Variants in JARID2 observed in about 807,000 individuals in gnomAD.
The protein encoded by JARID2 is protein Jumonji.
JARID2 carries 21 observed loss-of-function variants against 125.6 expected under a neutral mutation model. That is an observed-to-expected ratio of 0.17 (90% CI 0.12 to 0.24). The LOEUF is 0.24. Ranked by LOEUF, JARID2 falls within the 10% of genes least tolerant of loss-of-function variation. JARID2 has a pLI of 1.00. For missense variants in JARID2, 1,303 were observed against 1,639.6 expected, an observed-to-expected ratio of 0.79 and a Z score of 3.55; for synonymous variants, 736 against 661.6, an observed-to-expected ratio of 1.11 and a Z score of -1.73.
chr6:15,457,617 T>C lies in JARID2; in HGVS notation c.493+5442T>C, dbSNP rs545466139. Reference sequence around the variant, plus strand: ...GATCCAGGTCTTTTTTTTTTTTTTTTTTCCCTTCTCCAGTCCTCAATTATT... The same window carrying C: ...GATCCAGGTCTTTTTTTTTTTTTTTCTTCCCTTCTCCAGTCCTCAATTATT... On this transcript the variant is annotated intron_variant, in intron 4 of 17. Transcript: ENST00000341776. 1.8e-3 allele frequency among the ~76,000 whole-genome samples: 272 copies of C among 152,050 alleles called. 2 individuals are homozygous for C. In the Middle Eastern group the frequency reaches 0.024, roughly 13 times the overall value.
At chr6:15,426,919 G>A (rs1477453145) in intron 3 of JARID2, among the ~76,000 whole-genome samples, 3 of 152,124 alleles carry the variant, frequency 2.0e-5, no homozygotes, top group Admixed American at 1.3e-4. Flanking sequence ...TACATAACTG[G>A]CCTGAGTAAT....
intron 1 of JARID2, among the ~76,000 whole-genome samples, chr6:15,270,824 C>T (rs1430434748): frequency 2.6e-5 from 4 of 151,944 alleles, no homozygotes; most frequent in Non-Finnish European, 4.4e-5. Context: ...ACCTGTAATC[C>T]CAGGTACTTG....
In JARID2 at chr6:15,445,062, C is replaced by T. The variant is rs943863449; in HGVS notation, c.324-6944C>T. 2.6e-5 allele frequency among the ~76,000 whole-genome samples: 4 copies of T among 152,026 alleles called. No homozygotes were observed. In the East Asian group the frequency reaches 5.8e-4, roughly 22 times the overall value. On this transcript the variant is annotated intron_variant, in intron 3 of 17. Coordinates refer to ENST00000341776, the MANE Select transcript of JARID2 (RefSeq NM_004973.4). ...AATTAACCTGGAAATTGCTGTTGTG[C>T]CGCAGTCAGGGCTACCCTAGAGATT... is the stretch of plus-strand genomic sequence containing the variant.
At chr6:15,424,927 T>C (rs1171052009) in intron 3 of JARID2, among the ~76,000 whole-genome samples, 1 of 152,212 alleles carries the variant, frequency 6.6e-6, no homozygotes, top group Non-Finnish European at 1.5e-5. Context: ...TGATGTGCTG[T>C]CCACTTCCAC....
chr6:15,259,977 G>T (rs915492309), intron 1 of JARID2, among the ~76,000 whole-genome samples: 1 of 152,130 alleles, frequency 6.6e-6, no homozygotes, highest in African/African-American at 2.4e-5. Flanking sequence ...TTTGGGCCTG[G>T]CAGTGTTTTT....
chr6:15,409,343 C>G (rs1366228014), intron 2 of JARID2, among the ~76,000 whole-genome samples: 1 of 152,200 alleles, frequency 6.6e-6, no homozygotes, highest in Non-Finnish European at 1.5e-5. Flanking sequence ...CAGTGCTGCT[C>G]CTGCCCAGTT....
chr6:15,486,805 A>ATTTTTTTTTTTTTTTTTTTTTT (rs766075740), intron 5 of JARID2, among the ~76,000 whole-genome samples: 1 of 40,638 alleles, frequency 2.5e-5, no homozygotes, highest in Non-Finnish European at 4.3e-5. Flanking sequence ...CTGAGAATAG[A>ATTTTTTTTTTTTTTTTTTTTTT]CTTTTTTTTT....
chr6:15,501,501 T>G, intron 8 of JARID2, 92 bp downstream of exon 8: 1 of 1,265,520 alleles, frequency 7.9e-7, no homozygotes, highest in South Asian at 1.5e-5. Flanking sequence ...GGACGGTGTG[T>G]TCTCTGATTC....
chr6:15,477,292 T>TGGGGTGTC (rs1157350557), intron 5 of JARID2, among the ~76,000 whole-genome samples: 5 of 152,096 alleles, frequency 3.3e-5, no homozygotes, highest in African/African-American at 1.2e-4. Flanking sequence ...GGTGGGGTGT[T>TGGGGTGTC]GGGGTGTCGG....
Position 15,520,497 on chromosome 6 carries a change from G to T in JARID2, c.*246G>T. 2.4e-6 allele frequency: 1 copy of T among 409,772 alleles called. No homozygotes were observed. The highest frequency in any genetic ancestry group is 4.4e-6 in the Non-Finnish European group (1 of 229,136). The allele number at this position is 409,772 out of a possible 1,614,324, so 25.4% of individuals were successfully genotyped here. ...AGTCACTGTTTTAAAAACCCCGGAGGGGCTGTATTAATTTGTATTGCCCCA... is the reference window on the plus strand; with the variant it reads ...AGTCACTGTTTTAAAAACCCCGGAGTGGCTGTATTAATTTGTATTGCCCCA... On this transcript the variant is annotated 3_prime_UTR_variant, in exon 18 of 18. Transcript: ENST00000341776.
intron 1 of JARID2, among the ~76,000 whole-genome samples, chr6:15,334,198 C>T (rs532150937): frequency 6.6e-6 from 1 of 152,250 alleles, no homozygotes; most frequent in East Asian, 1.9e-4. Context: ...TGCTTAATTA[C>T]AATAAATCAT....
At chr6:15,284,854 G>T (rs1375325600) in intron 1 of JARID2, among the ~76,000 whole-genome samples, 1 of 152,080 alleles carries the variant, frequency 6.6e-6, no homozygotes, top group African/African-American at 2.4e-5. Context: ...TTATGCTATT[G>T]TGTTTACTTT....
At chr6:15,336,622 G>A (rs1215115324) in intron 1 of JARID2, among the ~76,000 whole-genome samples, 2 of 150,010 alleles carry the variant, frequency 1.3e-5, no homozygotes, top group Non-Finnish European at 3.0e-5. Flanking sequence ...TTCTAATTTA[G>A]CATTGGTTCA....
intron 1 of JARID2, among the ~76,000 whole-genome samples, chr6:15,320,385 G>A (rs1001454828): frequency 2.6e-5 from 4 of 152,238 alleles, no homozygotes; most frequent in African/African-American, 4.8e-5. Context: ...TTCGTAGAAT[G>A]TAAGTGTGAG....
chr6:15,327,467 C>T (rs1762567999), intron 1 of JARID2, among the ~76,000 whole-genome samples: 2 of 152,102 alleles, frequency 1.3e-5, no homozygotes, highest in Non-Finnish European at 2.9e-5. Context: ...ATGATGGCAT[C>T]TAGGGCAGGT....
chr6:15,512,422 C>A (rs766053462), intron 14 of JARID2, 32 bp downstream of exon 14: 14 of 1,603,148 alleles, frequency 8.7e-6, no homozygotes, highest in African/African-American at 4.0e-5. Context: ...CCGCTTGCTG[C>A]CCCCGCATCC....
At chr6:15,247,315 G>C in intron 1 of JARID2, 1 of 520,664 alleles carries the variant, frequency 1.9e-6, no homozygotes, top group African/African-American at 2.1e-5. Context: ...TCTGAAATTG[G>C]GTGATTATTC....
chr6:15,357,228 C>G (rs1001492051), intron 1 of JARID2, among the ~76,000 whole-genome samples: 1 of 152,140 alleles, frequency 6.6e-6, no homozygotes, highest in Non-Finnish European at 1.5e-5. Context: ...ATGAAGTACG[C>G]TGAATAAGTG....
At chr6:15,497,992 C>T (rs1382580684) in intron 7 of JARID2, among the ~76,000 whole-genome samples, 1 of 152,184 alleles carries the variant, frequency 6.6e-6, no homozygotes, top group Non-Finnish European at 1.5e-5. Flanking sequence ...TGGATTAGGG[C>T]CCATCCTACT....
Sources: allele counts gnomAD v4.1 joint callset (sites outside exome capture counted in the v4.1 genomes callset), GRCh38; gene constraint gnomAD v4.1.1; transcripts MANE v1.5; gene names NCBI Gene and HGNC (gene_info 2026-07-23, HGNC 2026-07-21).